PRKN: variants seen among roughly 807,000 people sequenced by gnomAD.
PRKN encodes the protein E3 ubiquitin-protein ligase parkin.
In PRKN, 56 loss-of-function variants were observed where a neutral mutation model predicts 59.5. The observed-to-expected ratio is 0.94, with a 90% confidence interval of 0.76 to 1.18. The LOEUF is 1.18. PRKN is among the 50% of genes most tolerant of loss of function. PRKN has a pLI of 0.00. For synonymous variants in PRKN, 250 were observed against 222.1 expected, an observed-to-expected ratio of 1.13 and a Z score of -1.12; for missense variants, 657 against 596.4, an observed-to-expected ratio of 1.10 and a Z score of -1.06.
At chr6:162,569,404 G>A (rs1253641272) in intron 1 of PRKN, 16 of 675,950 alleles carry the variant, frequency 2.4e-5, no homozygotes, top group Non-Finnish European at 4.5e-5. Flanking sequence ...AGTACCAGAA[G>A]CTGAAGAACA....
Position 162,207,943 on chromosome 6 carries a change from C to A in PRKN, c.413-6691G>T, listed in dbSNP as rs185930579. ...ATATAAAATAGAATGCAGCCATGATCATTCAATATCTAGAACATCTTTCCT... is the reference window on the plus strand; with the variant it reads ...ATATAAAATAGAATGCAGCCATGATAATTCAATATCTAGAACATCTTTCCT... On this transcript the variant is annotated intron_variant, in intron 3 of 11. Transcript: ENST00000366898. Among the ~76,000 whole-genome samples, 339 of 152,256 alleles carry A rather than the reference C, an allele frequency of 2.2e-3. 1 individual carries two copies. The highest frequency in any genetic ancestry group is 2.8e-3 in the Non-Finnish European group (192 of 68,016).
intron 1 of PRKN, among the ~76,000 whole-genome samples, chr6:162,502,593 C>T (rs1436846879): frequency 6.8e-6 from 1 of 146,776 alleles, no homozygotes. Context: ...TGAATAATTA[C>T]AATTCATTAT....
At chr6:162,169,162 T>G (rs2128319049) in intron 4 of PRKN, among the ~76,000 whole-genome samples, 1 of 152,294 alleles carries the variant, frequency 6.6e-6, no homozygotes, top group Non-Finnish European at 1.5e-5. Context: ...AAAAGCTATT[T>G]GTCACATTCC....
chr6:161,800,238 C>T (rs140156103), intron 6 of PRKN, among the ~76,000 whole-genome samples: 6 of 152,028 alleles, frequency 3.9e-5, no homozygotes, highest in African/African-American at 9.7e-5. Flanking sequence ...GGAGAGGCAA[C>T]GACAGGTAGA....
At chr6:162,682,161 T>C (rs1779795814) in intron 1 of PRKN, among the ~76,000 whole-genome samples, 1 of 152,136 alleles carries the variant, frequency 6.6e-6, no homozygotes, top group Non-Finnish European at 1.5e-5. Context: ...ATTTCAGCCA[T>C]ACAAGTGCAT....
At chr6:162,035,709 A>G (rs1783812313) in intron 5 of PRKN, among the ~76,000 whole-genome samples, 1 of 152,202 alleles carries the variant, frequency 6.6e-6, no homozygotes, top group Non-Finnish European at 1.5e-5. Context: ...TTCAGGGCAG[A>G]ATGAGCAGAG....
intron 3 of PRKN, among the ~76,000 whole-genome samples, chr6:162,250,061 G>A (rs747281412): frequency 1.3e-5 from 2 of 151,944 alleles, no homozygotes; most frequent in Admixed American, 1.3e-4. Context: ...CAGGAGAATC[G>A]CTTGAGCCCA....
At chr6:162,139,874 G>T (rs2128310523) in intron 4 of PRKN, among the ~76,000 whole-genome samples, 1 of 145,256 alleles carries the variant, frequency 6.9e-6, no homozygotes, top group Admixed American at 7.0e-5. Context: ...GAACCTGACA[G>T]AGCGAGACTC....
At chr6:161,869,964 T>C (rs1433637059) in intron 6 of PRKN, among the ~76,000 whole-genome samples, 1 of 152,220 alleles carries the variant, frequency 6.6e-6, no homozygotes, top group Non-Finnish European at 1.5e-5. Context: ...CATTTTATTA[T>C]TTTGTTTCTT....
In PRKN at chr6:162,727,756, G is replaced by T; in HGVS notation, c.-88C>A. Reference sequence around the variant, plus strand: ...GCGCCTCCCACCAGCGGCTCTCCTGGGTTAAATCCTCCAGGCCTCCCCGCC... The same window carrying T: ...GCGCCTCCCACCAGCGGCTCTCCTGTGTTAAATCCTCCAGGCCTCCCCGCC... On this transcript the variant is annotated 5_prime_UTR_variant, in exon 1 of 12. Transcript: ENST00000366898. The T allele has an allele frequency of 7.2e-7, 1 of 1,393,404 alleles. No individual in the cohort carries two copies. Among genetic ancestry groups the T allele is most frequent in the South Asian group, 1.2e-5 (1 of 80,968 alleles). 86.3% of individuals were successfully genotyped at this position (1,393,404 alleles called of 1,614,324 possible).
At chr6:162,055,004 A>G (rs1777799514) in intron 4 of PRKN, among the ~76,000 whole-genome samples, 1 of 152,146 alleles carries the variant, frequency 6.6e-6, no homozygotes, top group Admixed American at 6.5e-5. Flanking sequence ...TGTACTAAAA[A>G]TACAAAAATT....
chr6:161,980,531 A>C (rs147403335), intron 5 of PRKN, among the ~76,000 whole-genome samples: 1 of 152,318 alleles, frequency 6.6e-6, no homozygotes, highest in Non-Finnish European at 1.5e-5. Context: ...AGAGAAAGGA[A>C]GCCACTTGAG....
intron 4 of PRKN, among the ~76,000 whole-genome samples, chr6:162,198,534 A>AT (rs1397103266): frequency 6.6e-6 from 1 of 150,610 alleles, no homozygotes; most frequent in Non-Finnish European, 1.5e-5. Context: ...ATTTCTAAAT[A>AT]TTTATGTTCT....
intron 1 of PRKN, among the ~76,000 whole-genome samples, chr6:162,478,736 C>G (rs1331271500): frequency 6.6e-6 from 1 of 152,176 alleles, no homozygotes; most frequent in Non-Finnish European, 1.5e-5. Flanking sequence ...TATGGGGCAG[C>G]CTGCTGCTCT....
intron 1 of PRKN, among the ~76,000 whole-genome samples, chr6:162,564,395 A>G (rs1779976338): frequency 6.6e-6 from 1 of 152,196 alleles, no homozygotes; most frequent in South Asian, 2.1e-4. Context: ...ATTGGCCTTA[A>G]AGAGAAAATA....
chr6:162,300,975 AT>A (rs146978654), intron 2 of PRKN, among the ~76,000 whole-genome samples: 8,828 of 151,482 alleles, frequency 0.058, 342 homozygotes, highest in Middle Eastern at 0.14. Context: ...AGAAGAATAG[AT>A]TTTTTTTTAA....
intron 2 of PRKN, among the ~76,000 whole-genome samples, chr6:162,330,732 CCT>C (rs1369391124): frequency 2.0e-5 from 3 of 152,176 alleles, no homozygotes; most frequent in South Asian, 4.1e-4. Flanking sequence ...TACAAATCCC[CCT>C]GTTACTCTGC....
chr6:162,648,348 A>G (rs572015399), intron 1 of PRKN, among the ~76,000 whole-genome samples: 1 of 151,430 alleles, frequency 6.6e-6, no homozygotes, highest in South Asian at 2.1e-4. Flanking sequence ...TTCTATATGC[A>G]ACTCCTCTGA....
chr6:162,125,114 G>A (rs1034387069), intron 4 of PRKN, among the ~76,000 whole-genome samples: 1 of 152,158 alleles, frequency 6.6e-6, no homozygotes, highest in Admixed American at 6.5e-5. Context: ...GTGACACGTA[G>A]TCCTCAGTTC....
Sources: gnomAD v4.1 joint callset for allele counts (sites outside exome capture counted in the v4.1 genomes callset) on GRCh38, gnomAD v4.1.1 for gene constraint, MANE v1.5 for transcripts, NCBI Gene and HGNC (gene_info 2026-07-23, HGNC 2026-07-21) for gene names.